UBE2E3: variants seen among roughly 807,000 people sequenced by gnomAD.
UBE2E3 encodes the protein ubiquitin conjugating enzyme E2 E3.
A neutral mutation model predicts 23.6 loss-of-function variants in UBE2E3; 5 were observed. The ratio of observed to expected loss-of-function variants is 0.21; its 90% CI spans 0.11 to 0.44. The LOEUF is 0.44. Among genes scored for constraint, UBE2E3 ranks in the 20% least tolerant of loss-of-function variants. The probability of loss-of-function intolerance (pLI) is 0.99; values close to 1 mark genes in which losing one functional copy is unlikely to be tolerated. For synonymous variants in UBE2E3, 78 were observed against 87.5 expected, an observed-to-expected ratio of 0.89 and a Z score of 0.60; for missense variants, 81 against 249.8, an observed-to-expected ratio of 0.32 and a Z score of 4.55.
intron 3 of UBE2E3, among the ~76,000 whole-genome samples, chr2:181,012,802 A>G (rs754827125): frequency 1.6e-4 from 24 of 152,174 alleles, no homozygotes; most frequent in Admixed American, 1.4e-3. Flanking sequence ...CTAAAGTTTT[A>G]TTATCTAACC....
At chr2:181,059,657 G>A (rs1025414672) in intron 4 of UBE2E3, among the ~76,000 whole-genome samples, 22 of 151,550 alleles carry the variant, frequency 1.5e-4, no homozygotes, top group African/African-American at 4.4e-4. Context: ...CTTCTAGTTC[G>A]TCTCAATTCA....
At chr2:181,041,173 G>A (rs187402905) in intron 3 of UBE2E3, among the ~76,000 whole-genome samples, 68 of 147,032 alleles carry the variant, frequency 4.6e-4, no homozygotes, top group Non-Finnish European at 8.5e-4. Context: ...GCTTGAACCC[G>A]GGAGGCAGAG....
At chr2:180,987,661 TAATG>T (rs1268056218) in intron 3 of UBE2E3, among the ~76,000 whole-genome samples, 1 of 152,072 alleles carries the variant, frequency 6.6e-6, no homozygotes. Context: ...AATAAAAAAA[TAATG>T]AAATCATAAA....
chr2:181,058,135 A>G (rs917016181), intron 4 of UBE2E3, among the ~76,000 whole-genome samples: 3 of 151,770 alleles, frequency 2.0e-5, no homozygotes, highest in African/African-American at 2.4e-5. Flanking sequence ...TTAATTAATA[A>G]TACCTTAATT....
At chr2:181,014,547 A>T (rs1320425761) in intron 3 of UBE2E3, among the ~76,000 whole-genome samples, 1 of 152,138 alleles carries the variant, frequency 6.6e-6, no homozygotes, top group African/African-American at 2.4e-5. Flanking sequence ...TGAGCAAGCA[A>T]GGCTGAGAAG....
intron 3 of UBE2E3, among the ~76,000 whole-genome samples, chr2:181,003,324 A>G (rs1685042621): frequency 6.6e-6 from 1 of 152,244 alleles, no homozygotes; most frequent in Non-Finnish European, 1.5e-5. Flanking sequence ...ATCACATTAT[A>G]GACAATCTTG....
chr2:181,061,589 T>A (rs1165224410), intron 5 of UBE2E3, among the ~76,000 whole-genome samples: 1 of 151,584 alleles, frequency 6.6e-6, no homozygotes, highest in Non-Finnish European at 1.5e-5. Flanking sequence ...TAGTAATGGA[T>A]ATTAAAATGA....
intron 3 of UBE2E3, among the ~76,000 whole-genome samples, chr2:181,021,578 C>CCCTCCCTTCCTCCCTCCCTT (rs1685687702): frequency 1.8e-5 from 1 of 56,622 alleles, no homozygotes; most frequent in Non-Finnish European, 3.2e-5. Context: ...CTTCCTCCCT[C>CCCTCCCTTCCTCCCTCCCTT]CCTCCCTTCC....
chr2:180,987,406 C>G (rs551003549), intron 3 of UBE2E3: 1 of 1,549,450 alleles, frequency 6.5e-7, no homozygotes, highest in Non-Finnish European at 8.7e-7. Flanking sequence ...TACTGGATTT[C>G]TAACTTAACC....
intron 3 of UBE2E3, among the ~76,000 whole-genome samples, chr2:181,051,974 A>G (rs1324314890): frequency 6.6e-6 from 1 of 151,918 alleles, no homozygotes; most frequent in African/African-American, 2.4e-5. Flanking sequence ...GTCTGAAGAC[A>G]CTGGATACAT....
chr2:181,046,544 C>T (rs1464081807), intron 3 of UBE2E3, among the ~76,000 whole-genome samples: 1 of 152,106 alleles, frequency 6.6e-6, no homozygotes, highest in East Asian at 1.9e-4. Flanking sequence ...ACAAGATGAT[C>T]TGTCACATAT....
At chr2:181,037,969 A>G (rs1308638874) in intron 3 of UBE2E3, among the ~76,000 whole-genome samples, 2 of 152,206 alleles carry the variant, frequency 1.3e-5, no homozygotes, top group African/African-American at 2.4e-5. Flanking sequence ...TCTTGTCTCT[A>G]AGCACAAAAT....
At chr2:180,995,532 C>G (rs574447536) in intron 3 of UBE2E3, among the ~76,000 whole-genome samples, 1 of 152,154 alleles carries the variant, frequency 6.6e-6, no homozygotes, top group East Asian at 1.9e-4. Context: ...AAGTTATACT[C>G]AGGTTTTTTC....
intron 3 of UBE2E3, among the ~76,000 whole-genome samples, chr2:180,998,634 G>A (rs995109106): frequency 3.3e-5 from 5 of 152,062 alleles, no homozygotes; most frequent in South Asian, 2.1e-4. Flanking sequence ...ATGTGGGGGC[G>A]GGGGAAGTCT....
At chr2:181,042,653 A>G (rs1177385519) in intron 3 of UBE2E3, among the ~76,000 whole-genome samples, 1 of 152,152 alleles carries the variant, frequency 6.6e-6, no homozygotes. Context: ...TTGAGCAAGC[A>G]CCTGACCTCA....
intron 4 of UBE2E3, 102 bp downstream of exon 4, chr2:181,057,927 T>G (rs1687031566): frequency 1.6e-6 from 2 of 1,234,678 alleles, no homozygotes; most frequent in Middle Eastern, 4.1e-4. Flanking sequence ...TTGATTTCAT[T>G]GCTTTTCATG....
intron 3 of UBE2E3, among the ~76,000 whole-genome samples, chr2:180,989,078 A>G (rs1277429383): frequency 6.6e-6 from 1 of 152,104 alleles, no homozygotes. Flanking sequence ...TAATAAATTC[A>G]TTTTGGCATC....
chr2:181,057,553 T>G, intron 3 of UBE2E3, 140 bp from the exon 4 acceptor site: 1 of 644,290 alleles, frequency 1.6e-6, no homozygotes, highest in Non-Finnish European at 2.6e-6. Flanking sequence ...TGCAAACACA[T>G]TGGGGCTTAT....
At chr2:181,031,448 T>C (rs530013783) in intron 3 of UBE2E3, among the ~76,000 whole-genome samples, 1 of 152,288 alleles carries the variant, frequency 6.6e-6, no homozygotes, top group South Asian at 2.1e-4. Context: ...AATGTTTCAG[T>C]AGCATATATT....
Sources: gnomAD v4.1 joint callset for allele counts (sites outside exome capture counted in the v4.1 genomes callset) on GRCh38, gnomAD v4.1.1 for gene constraint, MANE v1.5 for transcripts, NCBI Gene and HGNC (gene_info 2026-07-23, HGNC 2026-07-21) for gene names.